Variants in CORO7 observed in about 807,000 individuals in gnomAD.
CORO7 encodes coronin-7.
A neutral mutation model predicts 126.6 loss-of-function variants in CORO7; 107 were observed. That is an observed-to-expected ratio of 0.85 (90% confidence interval 0.72 to 0.99). CORO7 has a LOEUF of 0.99. Among genes scored for constraint, CORO7 ranks in the 50% least tolerant of loss-of-function variants. The pLI, the probability that CORO7 is intolerant of heterozygous loss-of-function variation, is 0.00. For synonymous variants in CORO7, 603 were observed against 536.8 expected, an observed-to-expected ratio of 1.12 and a Z score of -1.70; for missense variants, 1,314 against 1,255.8, an observed-to-expected ratio of 1.05 and a Z score of -0.70.
At chr16:4,377,381 G>A (rs1303906593) in intron 9 of CORO7, among the ~76,000 whole-genome samples, 2 of 152,090 alleles carry the variant, frequency 1.3e-5, no homozygotes, top group East Asian at 1.9e-4. Context: ...GGCAACCACC[G>A]TGTGACCTGT....
intron 9 of CORO7, chr16:4,383,057 G>C (rs1023628932): frequency 5.0e-6 from 4 of 795,352 alleles, no homozygotes; most frequent in Non-Finnish European, 7.6e-6. Context: ...TCTGGACCTC[G>C]GTCTCCTCAT....
At chr16:4,397,716 C>A (rs906186208) in intron 6 of CORO7, among the ~76,000 whole-genome samples, 1 of 152,008 alleles carries the variant, frequency 6.6e-6, no homozygotes, top group Admixed American at 6.6e-5. Context: ...CGGGTTCAAG[C>A]GATTCTCCTG....
chr16:4,376,635 C>T (rs999234385), intron 9 of CORO7, among the ~76,000 whole-genome samples: 10 of 152,166 alleles, frequency 6.6e-5, no homozygotes, highest in Admixed American at 5.9e-4. Flanking sequence ...GGCCCGTCCC[C>T]GCCTGACCCT....
chr16:4,410,592 G>A (rs1382011115), intron 3 of CORO7, among the ~76,000 whole-genome samples: 2 of 152,196 alleles, frequency 1.3e-5, no homozygotes, highest in Non-Finnish European at 1.5e-5. Context: ...GATGAGAACA[G>A]ACTTGTTATA....
intron 9 of CORO7, chr16:4,382,941 G>C: frequency 1.4e-6 from 2 of 1,455,258 alleles, no homozygotes; most frequent in Non-Finnish European, 9.1e-7. Context: ...CTCTCAGCCA[G>C]TGAGATGGCC....
chr16:4,415,251 T>C (rs2056363805), intron 1 of CORO7, among the ~76,000 whole-genome samples: 1 of 152,178 alleles, frequency 6.6e-6, no homozygotes. Context: ...TGGACTCATC[T>C]GTCACCATAC....
chr16:4,362,272 G>A lies in CORO7; in HGVS notation c.1403-112C>T. The A allele has an allele frequency of 7.1e-7, 1 of 1,417,664 alleles. No homozygotes were observed. The highest frequency in any genetic ancestry group is 2.5e-5 in the East Asian group (1 of 40,676). 87.8% of individuals were successfully genotyped at this position (1,417,664 alleles called of 1,614,324 possible). A position where few individuals can be genotyped will look rare whatever the true frequency, so the allele number is the denominator to read the frequency against. ...CTCACCCCAGGTGGATGTACAGCAT[G>A]GACCTAGGCCCAGGCCTTTGCTAAT... On this transcript the variant is annotated intron_variant, in intron 15 of 27. Coordinates refer to ENST00000251166, the MANE Select transcript of CORO7 (RefSeq NM_024535.5). This position sits in a 1 kb window ranked among gnomAD's most constrained non-coding sequence, Gnocchi z 5.3.
intron 3 of CORO7, among the ~76,000 whole-genome samples, chr16:4,411,597 G>C (rs74005303): frequency 1.6e-3 from 247 of 152,192 alleles, no homozygotes; most frequent in African/African-American, 5.6e-3. Flanking sequence ...AACGTACTTA[G>C]TACAGAGAGC....
chr16:4,357,186 G>A lies in CORO7; in HGVS notation c.2667C>T (p.Asp889=), dbSNP rs199802653. 17 of 1,613,860 alleles carry A rather than the reference G, an allele frequency of 1.1e-5. No individual in the cohort carries two copies. In the East Asian group the frequency reaches 3.8e-4, roughly 36 times the overall value. The change falls in exon 26 of 28, where the codon GAC becomes GAT. Residue 889 remains aspartate, a synonymous_variant. Coordinates refer to ENST00000251166, the MANE Select transcript of CORO7 (RefSeq NM_024535.5). ...SSAQYLEEKS[D]QQKKEELLNA... is the part of the protein sequence containing the mutation. ...TGCCTACCTCCTCCTTCTTTTGCTG[G>A]TCAGACTTTTCTTCCAGGTACTGCG... is the stretch of plus-strand genomic sequence containing the variant.
At chr16:4,360,411 T>C (rs765335248) in intron 20 of CORO7, 33 bp downstream of exon 20, 1 of 1,613,082 alleles carries the variant, frequency 6.2e-7, no homozygotes, top group Non-Finnish European at 8.5e-7. Flanking sequence ...CTGAACCAGG[T>C]CTGAGGCCAC....
chr16:4,397,613 G>A (rs922565971), intron 6 of CORO7, among the ~76,000 whole-genome samples: 4 of 151,952 alleles, frequency 2.6e-5, no homozygotes, highest in African/African-American at 9.7e-5. Context: ...CTCTCTTTTT[G>A]TATTTGTTTT....
At chr16:4,403,022 G>GA (rs2055869374) in intron 6 of CORO7, among the ~76,000 whole-genome samples, 1 of 152,138 alleles carries the variant, frequency 6.6e-6, no homozygotes, top group African/African-American at 2.4e-5. Context: ...AGGAGATGGG[G>GA]CGGGGGTGGG....
intron 6 of CORO7, among the ~76,000 whole-genome samples, chr16:4,404,499 C>G (rs1442061894): frequency 6.6e-6 from 1 of 152,192 alleles, no homozygotes; most frequent in Non-Finnish European, 1.5e-5. Flanking sequence ...ACCTTTTCAC[C>G]TGCAGCCGGA....
chr16:4,416,345 G>C (rs1373218980), intron 1 of CORO7, 114 bp downstream of exon 1: 1 of 1,326,976 alleles, frequency 7.5e-7, no homozygotes, highest in Non-Finnish European at 9.7e-7. Context: ...CCCGGGGATG[G>C]AGGTCTCGGG....
chr16:4,394,741 C>T (rs889825324), intron 7 of CORO7, among the ~76,000 whole-genome samples: 1 of 152,248 alleles, frequency 6.6e-6, no homozygotes, highest in Non-Finnish European at 1.5e-5. Context: ...CCTACAAGGT[C>T]TCTGTAGGGC....
At position 4,359,387 on chromosome 16, in the gene CORO7, T is replaced by A. The variant is rs752123001; in HGVS notation, c.2251-2A>T. Reference sequence around the variant, plus strand: ...GTACAGGAATACACGGGTGTCGCCCTGCGGGGAAGAAGGCAGGCTGGGAAC... The same window carrying A: ...GTACAGGAATACACGGGTGTCGCCCAGCGGGGAAGAAGGCAGGCTGGGAAC... On this transcript the variant is annotated splice_acceptor_variant, in intron 22 of 27. Coordinates refer to ENST00000251166, the MANE Select transcript of CORO7 (RefSeq NM_024535.5). LOFTEE classifies it high-confidence loss of function. The A allele has an allele frequency of 6.2e-7, 1 of 1,613,602 alleles. No homozygotes were observed. Among genetic ancestry groups the A allele is most frequent in the Non-Finnish European group, 8.5e-7 (1 of 1,179,978 alleles).
chr16:4,369,809 C>CA (rs1198506427), intron 9 of CORO7, among the ~76,000 whole-genome samples: 1 of 152,178 alleles, frequency 6.6e-6, no homozygotes, highest in Non-Finnish European at 1.5e-5. Flanking sequence ...CCCTATCACC[C>CA]AGGCTGGAGA....
At chr16:4,381,748 C>T (rs766371230) in intron 9 of CORO7, 14 of 1,603,520 alleles carry the variant, frequency 8.7e-6, no homozygotes, top group East Asian at 2.2e-5. Flanking sequence ...CCCCCGCCTG[C>T]GGCTGCTGGC....
chr16:4,388,090 G>T (rs757216997), intron 8 of CORO7, 22 bp from the exon 9 acceptor site: 1 of 1,602,484 alleles, frequency 6.2e-7, no homozygotes, highest in Admixed American at 1.7e-5. Context: ...GCGAGAGAGG[G>T]GCTCAGAGGG....
Sources: allele counts gnomAD v4.1 joint callset (sites outside exome capture counted in the v4.1 genomes callset), GRCh38; gene constraint gnomAD v4.1.1; non-coding constraint Gnocchi (gnomAD v3.1); transcripts MANE v1.5; gene names NCBI Gene and HGNC (gene_info 2026-07-23, HGNC 2026-07-21).